Variants in ZNF141 observed in about 807,000 individuals in gnomAD.
ZNF141 encodes zinc finger protein 141.
A neutral mutation model predicts 11.3 loss-of-function variants in ZNF141; 7 were observed. The observed-to-expected ratio is 0.62, with a 90% CI of 0.35 to 1.16. The LOEUF (loss-of-function observed/expected upper bound fraction) is 1.16, where lower values mean the gene tolerates loss of function less well. ZNF141 is among the 50% of genes most tolerant of loss of function. ZNF141 has a pLI of 0.02. For synonymous variants in ZNF141, 183 were observed against 190.7 expected (o/e 0.96, Z 0.33); for missense variants, 535 against 554.0 (o/e 0.97, Z 0.34).
At chr4:350,174 T>C (rs1560184967) in intron 3 of ZNF141, 1 of 534,740 alleles carries the variant, frequency 1.9e-6, no homozygotes, top group African/African-American at 1.9e-5. Context: ...AAGACCAAGC[T>C]CAGTGTGCCA....
At chr4:372,603 TG>T in intron 3 of ZNF141, 60 bp from the exon 4 acceptor site, 2 of 1,345,854 alleles carry the variant, frequency 1.5e-6, no homozygotes, top group Non-Finnish European at 2.0e-6. Flanking sequence ...TCATAAGATT[TG>T]TAAAGTATAT....
intron 3 of ZNF141, among the ~76,000 whole-genome samples, chr4:355,855 A>G (rs944439997): frequency 1.3e-5 from 2 of 152,154 alleles, no homozygotes; most frequent in South Asian, 2.1e-4. Context: ...CAACATGACC[A>G]AAGTCTTGAG....
intron 3 of ZNF141, among the ~76,000 whole-genome samples, chr4:349,649 G>GA (rs782084227): frequency 6.6e-6 from 1 of 152,200 alleles, no homozygotes; most frequent in Non-Finnish European, 1.5e-5. Context: ...GTCCCAGGCT[G>GA]ATGAGATTAC....
At chr4:359,151 T>C (rs574326848) in intron 3 of ZNF141, among the ~76,000 whole-genome samples, 8 of 152,322 alleles carry the variant, frequency 5.3e-5, no homozygotes, top group South Asian at 2.1e-4. Flanking sequence ...GTCAACTGCA[T>C]TGGATCCTGG....
intron 3 of ZNF141, among the ~76,000 whole-genome samples, chr4:362,126 C>T (rs1711525224): frequency 6.6e-6 from 1 of 152,160 alleles, no homozygotes; most frequent in African/African-American, 2.4e-5. Context: ...CTCTGATGGC[C>T]AGTGATGATG....
rs782682153 is a variant in ZNF141, at chr4:372,945, G to C, written c.508G>C (p.Glu170Gln). The change falls in exon 4 of 4, where the codon GAG (glutamate) becomes CAG (glutamine). Residue 170 changes from glutamate to glutamine, a missense_variant. Glu to Gln is a conservative substitution (Grantham distance 29, BLOSUM62 2). Coordinates refer to ENST00000240499, the MANE Select transcript of ZNF141 (RefSeq NM_003441.4). Reference protein sequence around the residue: ...SNKRKTRHTGEKHFKECGKSF... With the variant: ...SNKRKTRHTGQKHFKECGKSF... ...CAAACGTAAGACAAGACATACTGGAGAGAAACACTTTAAAGAATGTGGCAA... is the reference window on the plus strand; with the variant it reads ...CAAACGTAAGACAAGACATACTGGACAGAAACACTTTAAAGAATGTGGCAA... The C allele has an allele frequency of 6.2e-7, 1 of 1,613,994 alleles. No homozygotes were observed. Among genetic ancestry groups the C allele is most frequent in the Non-Finnish European group, 8.5e-7 (1 of 1,179,992 alleles).
chr4:369,753 T>TATAG, intron 3 of ZNF141, among the ~76,000 whole-genome samples: 1 of 46,232 alleles, frequency 2.2e-5, no homozygotes, highest in East Asian at 4.3e-4. Context: ...TATATATATA[T>TATAG]ATATATATAT....
In ZNF141 at chr4:381,115, C is replaced by T. The variant is rs1338945223; in HGVS notation, c.*7253C>T. Among the ~76,000 whole-genome samples, 1 of 152,102 alleles carries T rather than the reference C, an allele frequency of 6.6e-6. No homozygotes were observed. Among genetic ancestry groups the T allele is most frequent in the African/African-American group, 2.4e-5 (1 of 41,418 alleles). On this transcript the variant is annotated 3_prime_UTR_variant, in exon 4 of 4. Transcript: ENST00000240499. ...GTAATTAAATATTATTTACTACAAA[C>T]TCACATAGTACATTATGACTTTATT...
At position 377,575 on chromosome 4, in the gene ZNF141, T is replaced by G. The variant is rs1712429868; in HGVS notation, c.*3713T>G. 6.6e-6 allele frequency among the ~76,000 whole-genome samples: 1 copy of G among 152,196 alleles called. No individual in the cohort carries two copies. Among genetic ancestry groups the G allele is most frequent in the Non-Finnish European group, 1.5e-5 (1 of 68,042 alleles). ...CACTGTTCTCTTCATTCCACGTAAT[T>G]TCACGTGGACTTTAGGTTAACTGGG... On this transcript the variant is annotated 3_prime_UTR_variant, in exon 4 of 4. Coordinates refer to ENST00000240499, the MANE Select transcript of ZNF141 (RefSeq NM_003441.4).
At chr4:366,179 G>C (rs1268740797) in intron 3 of ZNF141, among the ~76,000 whole-genome samples, 1 of 152,126 alleles carries the variant, frequency 6.6e-6, no homozygotes, top group Non-Finnish European at 1.5e-5. Flanking sequence ...AAAGTCTTTG[G>C]TATTTTGATA....
chr4:361,562 G>A (rs1722115660), intron 3 of ZNF141, among the ~76,000 whole-genome samples: 1 of 152,044 alleles, frequency 6.6e-6, no homozygotes, highest in African/African-American at 2.4e-5. Flanking sequence ...GGTGTGTGAC[G>A]TTCCCCACCC....
chr4:361,829 A>T (rs1711513188), intron 3 of ZNF141, among the ~76,000 whole-genome samples: 1 of 152,224 alleles, frequency 6.6e-6, no homozygotes. Flanking sequence ...ATAGTGCCGC[A>T]GTAAACATAC....
In ZNF141 at chr4:344,265, G is replaced by T; in HGVS notation, c.131-70G>T. The T allele has an allele frequency of 5.4e-6, 7 of 1,307,962 alleles. No homozygotes were observed. The South Asian group carries it at 6.0e-5, about 11-fold the overall frequency. The allele number at this position is 1,307,962 out of a possible 1,614,324, so 81.0% of individuals were successfully genotyped here. Reference sequence around the variant, plus strand: ...CCATAATATCTCTATTCTGCTTAGCGTAGTACTAGGTTGGTAATTGGAGAA... The same window carrying T: ...CCATAATATCTCTATTCTGCTTAGCTTAGTACTAGGTTGGTAATTGGAGAA... On this transcript the variant is annotated intron_variant, in intron 2 of 3. Transcript: ENST00000240499.
At chr4:359,437 G>A (rs782683630) in intron 3 of ZNF141, among the ~76,000 whole-genome samples, 23 of 152,298 alleles carry the variant, frequency 1.5e-4, no homozygotes, top group Non-Finnish European at 7.4e-5. Flanking sequence ...CTAGATGACC[G>A]TTACTGAGCG....
Position 376,054 on chromosome 4 carries a change from A to G in ZNF141, c.*2192A>G, listed in dbSNP as rs1712350089. On this transcript the variant is annotated 3_prime_UTR_variant, in exon 4 of 4. Transcript: ENST00000240499. Reference sequence around the variant, plus strand: ...GTAATAAGATACAGTAAATTTTAAAATTATTTTAAGATTATGTGGGAACAT... The same window carrying G: ...GTAATAAGATACAGTAAATTTTAAAGTTATTTTAAGATTATGTGGGAACAT... Among the ~76,000 whole-genome samples the G allele has an allele frequency of 6.6e-6, 1 of 152,068 alleles. No homozygotes were observed. Among genetic ancestry groups the G allele is most frequent in the African/African-American group, 2.4e-5 (1 of 41,444 alleles).
chr4:378,014 A>C lies in ZNF141; in HGVS notation c.*4152A>C, dbSNP rs1362053628. ...ACCCCATCTCTACTAAAAATACAAA[A>C]ATTAGCAGGGCGTGGTGGCATGTGC... On this transcript the variant is annotated 3_prime_UTR_variant, in exon 4 of 4. Transcript: ENST00000240499. 3.9e-5 allele frequency: 6 copies of C among 152,020 alleles called. No homozygotes were observed. Among genetic ancestry groups the C allele is most frequent in the Admixed American group, 6.5e-5 (1 of 15,270 alleles). 9.4% of individuals were successfully genotyped at this position (152,020 alleles called of 1,614,324 possible).
intron 3 of ZNF141, 89 bp downstream of exon 3, chr4:344,519 G>T: frequency 4.4e-6 from 5 of 1,140,748 alleles, no homozygotes; most frequent in Non-Finnish European, 5.0e-6. Context: ...TTTGGGGCCG[G>T]GTGCAGTGGC....
rs372553337 is a variant in ZNF141 at position 373,452 on chromosome 4, T to G, written c.1015T>G (p.Tyr339Asp). 2.2e-5 allele frequency: 35 copies of G among 1,613,926 alleles called. No homozygotes were observed. The African/African-American group carries it at 3.5e-4, about 16-fold the overall frequency. ...HKRIHTGEKP[Y>D]TCEECGKAFR... Reference sequence around the variant, plus strand: ...GAGAATTCATACTGGAGAGAAACCCTACACATGTGAAGAATGTGGCAAAGC... The same window carrying G: ...GAGAATTCATACTGGAGAGAAACCCGACACATGTGAAGAATGTGGCAAAGC... Residue 339 changes from tyrosine to aspartate, a missense_variant, in exon 4 of 4, where the codon TAC becomes GAC. Coordinates refer to ENST00000240499, the MANE Select transcript of ZNF141 (RefSeq NM_003441.4).
intron 3 of ZNF141, among the ~76,000 whole-genome samples, chr4:353,577 C>T (rs1173355144): frequency 6.6e-6 from 1 of 151,484 alleles, no homozygotes; most frequent in African/African-American, 2.4e-5. Flanking sequence ...TTTCCTGCCT[C>T]AGCCTCTCAA....
Sources: gnomAD v4.1 joint callset for allele counts (sites outside exome capture counted in the v4.1 genomes callset) on GRCh38, gnomAD v4.1.1 for gene constraint, MANE v1.5 for transcripts, NCBI Gene and HGNC (gene_info 2026-07-23, HGNC 2026-07-21) for gene names.